Variants in ADGRB3 observed in about 807,000 individuals in gnomAD.
ADGRB3 encodes the protein adhesion G protein-coupled receptor B3.
A neutral mutation model predicts 193.4 loss-of-function variants in ADGRB3; 37 were observed. That is an observed-to-expected ratio of 0.19 (90% CI 0.15 to 0.25). The LOEUF is 0.25. Among genes scored for constraint, ADGRB3 ranks in the 10% least tolerant of loss-of-function variants. ADGRB3 has a pLI of 1.00. For synonymous variants in ADGRB3, 690 were observed against 644.2 expected (o/e 1.07, Z -1.08); for missense variants, 1,637 against 1,852.9 (o/e 0.88, Z 2.14).
chr6:69,202,107 CTCTTA>C (rs1765438783), intron 17 of ADGRB3, among the ~76,000 whole-genome samples: 1 of 152,138 alleles, frequency 6.6e-6, no homozygotes, highest in Non-Finnish European at 1.5e-5. Context: ...GTTGAAGTCA[CTCTTA>C]TCTTGAAGAT....
chr6:69,065,457 T>G (rs618714), intron 16 of ADGRB3, among the ~76,000 whole-genome samples: 21,901 of 152,108 alleles, frequency 0.14, 1,811 homozygotes, highest in South Asian at 0.28. Context: ...ACTTTAGTGT[T>G]TTGAATTTCT....
intron 8 of ADGRB3, among the ~76,000 whole-genome samples, chr6:68,970,618 C>T (rs1418876199): frequency 6.6e-6 from 1 of 152,170 alleles, no homozygotes; most frequent in South Asian, 2.1e-4. Context: ...GACTGCATTT[C>T]TTATGCACCA....
intron 31 of ADGRB3, among the ~76,000 whole-genome samples, chr6:69,387,639 A>G (rs534614865): frequency 2.0e-5 from 3 of 152,086 alleles, no homozygotes; most frequent in African/African-American, 7.2e-5. Flanking sequence ...GGCTTAAGCA[A>G]TCCTCCTACC....
At chr6:68,841,049 A>T (rs1201829358) in intron 3 of ADGRB3, among the ~76,000 whole-genome samples, 1 of 152,208 alleles carries the variant, frequency 6.6e-6, no homozygotes, top group African/African-American at 2.4e-5. Context: ...TCCAGATGAT[A>T]TATCAACTGC....
chr6:68,754,183 A>G (rs1766256870), intron 3 of ADGRB3, among the ~76,000 whole-genome samples: 1 of 152,200 alleles, frequency 6.6e-6, no homozygotes, highest in Non-Finnish European at 1.5e-5. Flanking sequence ...AGTACAATGC[A>G]TATTTGATCT....
intron 17 of ADGRB3, among the ~76,000 whole-genome samples, chr6:69,191,151 A>T (rs971070307): frequency 6.6e-6 from 1 of 152,146 alleles, no homozygotes; most frequent in African/African-American, 2.4e-5. Flanking sequence ...AAATATTATG[A>T]TTCTCATTTG....
At chr6:68,873,896 A>G (rs572605612) in intron 3 of ADGRB3, among the ~76,000 whole-genome samples, 1 of 152,216 alleles carries the variant, frequency 6.6e-6, no homozygotes, top group Admixed American at 6.5e-5. Flanking sequence ...TTTATAAAAA[A>G]ATTAGCATAT....
chr6:68,649,249 T>G (rs2127279850), intron 3 of ADGRB3, among the ~76,000 whole-genome samples: 1 of 152,252 alleles, frequency 6.6e-6, no homozygotes, highest in African/African-American at 2.4e-5. Context: ...AGTCCAAATC[T>G]TACCTGATTA....
In ADGRB3 at chr6:68,935,358, C is replaced by T. The variant is rs146769777; in HGVS notation, c.869-1161C>T. 2.8e-3 allele frequency among the ~76,000 whole-genome samples: 420 copies of T among 152,216 alleles called. 3 individuals carry two copies. The highest frequency in any genetic ancestry group is 9.5e-3 in the African/African-American group (394 of 41,526). ...GGACCAGCTGCCTTGAGTAGCACTGCAAATAATTTTCAAGTCATTTACTAA... is the reference window on the plus strand; with the variant it reads ...GGACCAGCTGCCTTGAGTAGCACTGTAAATAATTTTCAAGTCATTTACTAA... On this transcript the variant is annotated intron_variant, in intron 4 of 31. Transcript: ENST00000370598.
Position 68,912,699 on chromosome 6 carries a change from C to T in ADGRB3, c.758-17860C>T, listed in dbSNP as rs1036474467. Among the ~76,000 whole-genome samples the T allele has an allele frequency of 1.8e-4, 27 of 152,084 alleles. 1 individual carries two copies. Among genetic ancestry groups the T allele is most frequent in the Admixed American group, 1.3e-4 (2 of 15,268 alleles). On this transcript the variant is annotated intron_variant, in intron 3 of 31. Transcript: ENST00000370598. ...CATGTCCCTACAAAGGACATGAACTCATCATTTTTTATGGCTGCATAGTAT... is the reference window on the plus strand; with the variant it reads ...CATGTCCCTACAAAGGACATGAACTTATCATTTTTTATGGCTGCATAGTAT...
At chr6:68,790,227 C>T (rs1164227607) in intron 3 of ADGRB3, among the ~76,000 whole-genome samples, 1 of 152,108 alleles carries the variant, frequency 6.6e-6, no homozygotes, top group Non-Finnish European at 1.5e-5. Context: ...AGCACAGCGT[C>T]CGAGATCAAA....
chr6:69,330,527 A>G lies in ADGRB3; in HGVS notation c.3057A>G (p.Gly1019=). The part of the protein sequence containing the change: ...TDHYCWLSLE[G]GLLYAFVGPA... ...TCAGCTGCTGGCTCTCTCTTGAAGG[A>G]GGACTACTCTATGCTTTTGTGGGAC... is the stretch of plus-strand genomic sequence containing the variant. Residue 1019 remains glycine (G), a synonymous_variant, in exon 23 of 32, where the codon GGA becomes GGG. Coordinates refer to ENST00000370598, the MANE Select transcript of ADGRB3 (RefSeq NM_001704.3). 6.2e-7 allele frequency: 1 copy of G among 1,607,154 alleles called. No individual in the cohort carries two copies. Among genetic ancestry groups the G allele is most frequent in the African/African-American group, 1.3e-5 (1 of 74,916 alleles).
intron 17 of ADGRB3, among the ~76,000 whole-genome samples, chr6:69,194,334 A>G (rs1036673353): frequency 6.6e-6 from 1 of 152,080 alleles, no homozygotes; most frequent in African/African-American, 2.4e-5. Flanking sequence ...CATATTGGGT[A>G]ATAGTGATAC....
At chr6:68,888,536 A>G (rs1443785096) in intron 3 of ADGRB3, among the ~76,000 whole-genome samples, 1 of 106,192 alleles carries the variant, frequency 9.4e-6, no homozygotes, top group Non-Finnish European at 2.0e-5. Context: ...TTTTTTGGGT[A>G]ATAGATACAC....
intron 20 of ADGRB3, among the ~76,000 whole-genome samples, chr6:69,260,608 G>A (rs988338877): frequency 6.6e-6 from 1 of 152,126 alleles, no homozygotes; most frequent in Non-Finnish European, 1.5e-5. Context: ...ATGGAAATAT[G>A]TGGGTATATA....
intron 20 of ADGRB3, among the ~76,000 whole-genome samples, chr6:69,301,613 A>G (rs1042801535): frequency 3.9e-5 from 6 of 151,982 alleles, no homozygotes; most frequent in African/African-American, 1.4e-4. Flanking sequence ...TGCTAGGAGA[A>G]TAAGAGAAAA....
Position 68,888,542 on chromosome 6 carries a change from TACACACAC to T in ADGRB3, c.758-41991_758-41984del, listed in dbSNP as rs5877179. On this transcript the variant is annotated intron_variant, in intron 3 of 31. Coordinates refer to ENST00000370598, the MANE Select transcript of ADGRB3 (RefSeq NM_001704.3). ...TTCAGTTCCTTTTTTGGGTAATAGATACACACACACACACACACACACACACACACACA... is the reference window on the plus strand; with the variant it reads ...TTCAGTTCCTTTTTTGGGTAATAGATACACACACACACACACACACACACA... Among the ~76,000 whole-genome samples the T allele has an allele frequency of 4.8e-4, 70 of 146,172 alleles. 1 individual carries two copies. The East Asian group carries it at 0.011, about 23-fold the overall frequency.
intron 3 of ADGRB3, among the ~76,000 whole-genome samples, chr6:68,660,681 A>G (rs1473472212): frequency 6.6e-6 from 1 of 151,186 alleles, no homozygotes; most frequent in Non-Finnish European, 1.5e-5. Flanking sequence ...CTTCTTTTAA[A>G]ATGTCTCATC....
chr6:69,290,340 G>C (rs1767639891), intron 20 of ADGRB3, among the ~76,000 whole-genome samples: 1 of 152,130 alleles, frequency 6.6e-6, no homozygotes, highest in Admixed American at 6.6e-5. Flanking sequence ...TCGCACAAAG[G>C]AGAAGTTGCT....
Sources: allele counts gnomAD v4.1 joint callset (sites outside exome capture counted in the v4.1 genomes callset), GRCh38; gene constraint gnomAD v4.1.1; transcripts MANE v1.5; gene names NCBI Gene and HGNC (gene_info 2026-07-23, HGNC 2026-07-21).